Variants in KALRN observed in about 807,000 individuals in gnomAD.
KALRN encodes kalirin RhoGEF kinase, also known as kalirin.
KALRN carries 70 observed loss-of-function variants against 353.7 expected under a neutral mutation model. The ratio of observed to expected loss-of-function variants is 0.20; its 90% CI spans 0.16 to 0.24. The LOEUF (loss-of-function observed/expected upper bound fraction) is 0.24. Ranked by LOEUF, KALRN falls within the 10% of genes least tolerant of loss-of-function variation. The pLI, the probability that KALRN is intolerant of heterozygous loss-of-function variation, is 1.00. For synonymous variants in KALRN, 1,391 were observed against 1,434.8 expected (o/e 0.97, Z 0.69); for missense variants, 2,791 against 3,756.7 (o/e 0.74, Z 6.72).
chr3:124,501,024 A>G (rs1458814563), intron 33 of KALRN, among the ~76,000 whole-genome samples: 1 of 152,234 alleles, frequency 6.6e-6, no homozygotes, highest in Admixed American at 6.5e-5. Flanking sequence ...GCACTGTAAT[A>G]GTTCCAGTGC....
chr3:124,318,903 T>C (rs143232489), intron 6 of KALRN, among the ~76,000 whole-genome samples: 1 of 152,164 alleles, frequency 6.6e-6, no homozygotes, highest in Non-Finnish European at 1.5e-5. Context: ...ATATAAGCAA[T>C]GGCTGGGTTC....
chr3:124,064,952 G>C (rs145954247), intron 1 of KALRN, among the ~76,000 whole-genome samples: 2 of 152,060 alleles, frequency 1.3e-5, no homozygotes, highest in Admixed American at 1.3e-4. Flanking sequence ...CTTGCCCTCC[G>C]TTCCCCCTTC....
In KALRN at chr3:124,721,727, G is replaced by A. The variant is rs962380168; in HGVS notation, c.*2257G>A. On this transcript the variant is annotated 3_prime_UTR_variant, in exon 60 of 60. Transcript: ENST00000682506. ...GATCCCAGCACTTTGGGAGGCCGAGGCGGGTGGATCACAAGGTCAGCAGTT... is the reference window on the plus strand; with the variant it reads ...GATCCCAGCACTTTGGGAGGCCGAGACGGGTGGATCACAAGGTCAGCAGTT... 9.8e-5 allele frequency: 15 copies of A among 152,386 alleles called. No individual in the cohort carries two copies. Among genetic ancestry groups the A allele is most frequent in the African/African-American group, 3.6e-4 (15 of 41,574 alleles). The allele number at this position is 152,386 out of a possible 1,614,324, so 9.4% of individuals were successfully genotyped here.
Position 124,325,999 on chromosome 3 carries a change from A to G in KALRN, c.1112A>G (p.Asn371Ser). 6.2e-7 allele frequency: 1 copy of G among 1,613,200 alleles called. No individual in the cohort carries two copies. The highest frequency in any genetic ancestry group is 1.1e-5 in the South Asian group (1 of 90,776). The change falls in exon 7 of 60, where the codon AAC (asparagine) becomes AGC (serine). Residue 371 changes from asparagine to serine, a missense_variant. This residue lies in a region of KALRN where 366 missense variants were observed against 489.2 expected (regional missense o/e 0.75). Transcript: ENST00000682506. ...MNSMNAYVNI[N>S]RIMSVASRLS... ...TTCCAGAATGCCTATGTCAACATCA[A>G]CCGCATCATGTCCGTGGCTTCCCGC...
chr3:124,571,949 A>G (rs1371474008), intron 34 of KALRN, among the ~76,000 whole-genome samples: 3 of 152,070 alleles, frequency 2.0e-5, no homozygotes, highest in African/African-American at 7.2e-5. Flanking sequence ...TTTTTGATGC[A>G]TATAAGCATA....
intron 55 of KALRN, 94 bp from the exon 56 acceptor site, chr3:124,699,775 A>G (rs1411445768): frequency 1.7e-6 from 2 of 1,175,044 alleles, no homozygotes; most frequent in Non-Finnish European, 2.5e-6. Flanking sequence ...CTTGAATTGA[A>G]TGTGTCTATT....
intron 1 of KALRN, among the ~76,000 whole-genome samples, chr3:124,155,476 C>T (rs1015092205): frequency 5.3e-5 from 8 of 152,128 alleles, no homozygotes; most frequent in Non-Finnish European, 7.3e-5. Context: ...TAAGAAAGGC[C>T]AGGACAGGAT....
chr3:124,173,750 G>C (rs1197962041), intron 1 of KALRN, among the ~76,000 whole-genome samples: 3 of 152,134 alleles, frequency 2.0e-5, no homozygotes, highest in African/African-American at 7.2e-5. Context: ...CGAGTAGCTG[G>C]GATTACAGGC....
In KALRN at chr3:124,151,963, G is replaced by C. The variant is rs937728767; in HGVS notation, c.74-76027G>C. 4 of 1,280,832 alleles carry C rather than the reference G, an allele frequency of 3.1e-6. No individual in the cohort carries two copies. The African/African-American group carries it at 5.9e-5, about 19-fold the overall frequency. The allele number at this position is 1,280,832 out of a possible 1,614,324, so 79.3% of individuals were successfully genotyped here. On this transcript the variant is annotated intron_variant, in intron 1 of 59. Transcript: ENST00000682506. ...AAAAATAATCATGGTAGACACCTTA[G>C]TTCATTCTAATAAGCCTGTTGATCT...
chr3:124,294,610 C>T (rs533453873), intron 5 of KALRN, among the ~76,000 whole-genome samples: 28 of 142,518 alleles, frequency 2.0e-4, no homozygotes, highest in South Asian at 7.3e-4. Flanking sequence ...CTGCAACCTC[C>T]GCCTCCCGGG....
chr3:124,580,971 T>TAATAATAATAATAATAAA (rs2074577319), intron 34 of KALRN, among the ~76,000 whole-genome samples: 1 of 151,326 alleles, frequency 6.6e-6, no homozygotes, highest in Admixed American at 6.6e-5. Context: ...ATAATAATAA[T>TAATAATAATAATAATAAA]AAAGGAAAGG....
At chr3:124,458,766 T>TA (rs201045557) in intron 23 of KALRN, among the ~76,000 whole-genome samples, 1,716 of 148,734 alleles carry the variant, frequency 0.012, 26 homozygotes, top group East Asian at 0.074. Context: ...CTGTCTTTGC[T>TA]AAAAAAAAAA....
At chr3:124,344,087 T>G (rs1053573984) in intron 9 of KALRN, among the ~76,000 whole-genome samples, 3 of 152,238 alleles carry the variant, frequency 2.0e-5, no homozygotes, top group Non-Finnish European at 4.4e-5. Flanking sequence ...TGATTGGTAA[T>G]TGAGTATTTT....
At chr3:124,285,150 T>C (rs1307653143) in intron 5 of KALRN, among the ~76,000 whole-genome samples, 1 of 152,138 alleles carries the variant, frequency 6.6e-6, no homozygotes, top group East Asian at 1.9e-4. Context: ...ATCCTGAACA[T>C]GTAAATAAAA....
intron 32 of KALRN, among the ~76,000 whole-genome samples, chr3:124,496,012 T>TATATATATATATATATAC (rs1345047394): frequency 3.4e-4 from 15 of 43,680 alleles, no homozygotes; most frequent in Non-Finnish European, 4.6e-4. Flanking sequence ...TATATATATA[T>TATATATATATATATATAC]ACACACACAT....
At chr3:124,618,173 A>G (rs1467803998) in intron 34 of KALRN, among the ~76,000 whole-genome samples, 1 of 130,398 alleles carries the variant, frequency 7.7e-6, no homozygotes, top group Non-Finnish European at 1.5e-5. Flanking sequence ...CAGCGGCACG[A>G]TCTCGGCTCA....
rs139095605 is a variant in KALRN at position 124,456,846 on chromosome 3, G to A, written c.3854+118G>A. On this transcript the variant is annotated intron_variant, in intron 23 of 59. Transcript: ENST00000682506. ...CATGGCCACCTACAGGGATTGGGAT[G>A]GACAGACATAATGTTTGCATTGAGA... 887 of 631,548 alleles carry A rather than the reference G, an allele frequency of 1.4e-3. 5 individuals are homozygous for A. The East Asian group carries it at 0.024, about 17-fold the overall frequency. 39.1% of individuals were successfully genotyped at this position (631,548 alleles called of 1,614,324 possible).
chr3:124,082,747 C>T (rs1410760614), intron 1 of KALRN, among the ~76,000 whole-genome samples: 3 of 152,182 alleles, frequency 2.0e-5, no homozygotes, highest in Non-Finnish European at 2.9e-5. Flanking sequence ...AACATGAACG[C>T]AATGAACTAA....
At chr3:124,097,059 G>GA (rs2061498877) in intron 1 of KALRN, among the ~76,000 whole-genome samples, 1 of 152,182 alleles carries the variant, frequency 6.6e-6, no homozygotes, top group South Asian at 2.1e-4. Flanking sequence ...CAGGTGTTTG[G>GA]AGGTTGGGTG....
Sources: gnomAD v4.1 joint callset for allele counts (sites outside exome capture counted in the v4.1 genomes callset) on GRCh38, gnomAD v4.1.1 for gene constraint, gnomAD v4.1.1 regional missense constraint, MANE v1.5 for transcripts, NCBI Gene and HGNC (gene_info 2026-07-23, HGNC 2026-07-21) for gene names.